The following LIPA variants were observed in gnomAD, a reference collection of about 807,000 sequenced individuals.
The protein encoded by LIPA is lysosomal acid lipase/cholesteryl ester hydrolase.
A neutral mutation model predicts 40.6 loss-of-function variants in LIPA; 26 were observed. That is an observed-to-expected ratio of 0.64 (90% CI 0.47 to 0.89). The LOEUF (loss-of-function observed/expected upper bound fraction) is 0.89. Among genes scored for constraint, LIPA ranks in the 40% least tolerant of loss-of-function variants. The pLI, the probability that LIPA is intolerant of heterozygous loss-of-function variation, is 0.00. For missense variants in LIPA, 455 were observed against 479.6 expected (o/e 0.95, Z 0.48); for synonymous variants, 188 against 168.4 (o/e 1.12, Z -0.90).
At position 89,213,681 on chromosome 10, in the gene LIPA, G is replaced by C. The variant is rs1245823235; in HGVS notation, c.*1147C>G. The C allele has an allele frequency of 6.6e-6, 1 of 152,186 alleles. No individual in the cohort carries two copies. The highest frequency in any genetic ancestry group is 1.5e-5 in the Non-Finnish European group (1 of 68,040). 9.4% of individuals were successfully genotyped at this position (152,186 alleles called of 1,614,324 possible). ...ACCATTAACAAGCATTGTACTGTTA[G>C]TGCAGCTAAAGTAATTATATCAGAA... is the stretch of plus-strand genomic sequence containing the variant. On this transcript the variant is annotated 3_prime_UTR_variant, in exon 10 of 10. Coordinates refer to ENST00000336233, the MANE Select transcript of LIPA (RefSeq NM_000235.4).
At chr10:89,266,601 C>A (rs1319269927) in intron 1 of LIPA, among the ~76,000 whole-genome samples, 1 of 152,228 alleles carries the variant, frequency 6.6e-6, no homozygotes, top group Non-Finnish European at 1.5e-5. Flanking sequence ...TGAAACACTT[C>A]TAGTCCCAAG....
intron 1 of LIPA, among the ~76,000 whole-genome samples, chr10:89,317,459 G>T (rs1036300623): frequency 6.6e-6 from 1 of 152,194 alleles, no homozygotes; most frequent in South Asian, 2.1e-4. Flanking sequence ...CTGGAAGAAA[G>T]GGTATTAGTG....
chr10:89,370,715 A>G (rs1844086822), intron 2 of LIPA, among the ~76,000 whole-genome samples: 1 of 152,102 alleles, frequency 6.6e-6, no homozygotes, highest in East Asian at 1.9e-4. Context: ...TCCAGATGTG[A>G]TCATCCAAAG....
At chr10:89,227,419 A>G (rs936088755) in intron 4 of LIPA, among the ~76,000 whole-genome samples, 1 of 152,164 alleles carries the variant, frequency 6.6e-6, no homozygotes, top group Non-Finnish European at 1.5e-5. Flanking sequence ...CGTTGTTACA[A>G]ATAGCGTGAC....
At chr10:89,253,374 G>A, upstream of LIPA, among the ~76,000 whole-genome samples, 1 of 152,202 alleles carries the variant, frequency 6.6e-6, no homozygotes, top group East Asian at 1.9e-4. Context: ...CGGCACATGT[G>A]AGAGAAAGAA....
chr10:89,413,508 G>A (rs1174565796), intron 1 of LIPA, among the ~76,000 whole-genome samples: 1 of 152,160 alleles, frequency 6.6e-6, no homozygotes, highest in East Asian at 1.9e-4. Flanking sequence ...ATTTTGGGAG[G>A]CCACGATGGG....
chr10:89,285,408 G>A (rs1219239701), intron 1 of LIPA: 1 of 152,206 alleles, frequency 6.6e-6, no homozygotes, highest in Non-Finnish European at 1.5e-5. Context: ...TACGGGAGAT[G>A]TGTTTTATCT....
intron 1 of LIPA, chr10:89,338,907 A>G: frequency 6.2e-7 from 1 of 1,614,200 alleles, no homozygotes; most frequent in Non-Finnish European, 8.5e-7. Flanking sequence ...TCCAGCAAGA[A>G]CATGCTGACC....
rs1372180897 is a variant in LIPA at position 89,392,621 on chromosome 10, G to A, written c.61+20170C>T. 7 of 1,405,484 alleles carry A rather than the reference G, an allele frequency of 5.0e-6. No individual in the cohort carries two copies. In the African/African-American group the frequency reaches 9.9e-5, roughly 20 times the overall value. The allele number at this position is 1,405,484 out of a possible 1,614,324, so 87.1% of individuals were successfully genotyped here. A position where few individuals can be genotyped will look rare whatever the true frequency, so the allele number is the denominator to read the frequency against. On this transcript the variant is annotated intron_variant, in intron 2 of 8. Transcript: ENST00000371837. ...TATAACACTGTCTTGGGGTTTAAAC[G>A]TAACTGAAAATCCACAAGACAGAAT... is the stretch of plus-strand genomic sequence containing the variant.
intron 1 of LIPA, among the ~76,000 whole-genome samples, chr10:89,275,662 A>G (rs931944181): frequency 6.6e-6 from 1 of 152,234 alleles, no homozygotes; most frequent in Non-Finnish European, 1.5e-5. Context: ...ATCCTGACTA[A>G]TACACAATCA....
intron 1 of LIPA, among the ~76,000 whole-genome samples, chr10:89,285,785 T>C (rs947584423): frequency 1.6e-4 from 24 of 151,606 alleles, no homozygotes; most frequent in Non-Finnish European, 2.9e-4. Flanking sequence ...CTCTCTTTTC[T>C]CTCCACTTCC....
At chr10:89,311,247 G>T (rs1211701144) in intron 1 of LIPA, among the ~76,000 whole-genome samples, 1 of 152,084 alleles carries the variant, frequency 6.6e-6, no homozygotes, top group Non-Finnish European at 1.5e-5. Flanking sequence ...ACCTGGCTGG[G>T]CGTGGTGGCT....
chr10:89,223,243 C>T (rs532771769), intron 7 of LIPA, among the ~76,000 whole-genome samples: 7 of 152,038 alleles, frequency 4.6e-5, no homozygotes, highest in African/African-American at 7.2e-5. Flanking sequence ...TGCTGAGATG[C>T]GGGCTTCTAT....
chr10:89,403,782 C>A, intron 2 of LIPA: 1 of 833,768 alleles, frequency 1.2e-6, no homozygotes, highest in Non-Finnish European at 1.9e-6. Flanking sequence ...ATCTTTTCTG[C>A]TTACTGTTTT....
intron 3 of LIPA, among the ~76,000 whole-genome samples, chr10:89,237,191 G>C (rs1234886419): frequency 6.6e-6 from 1 of 152,180 alleles, no homozygotes; most frequent in East Asian, 1.9e-4. Flanking sequence ...GAGGTGAGAA[G>C]ACTGGTTGAG....
intron 2 of LIPA, among the ~76,000 whole-genome samples, chr10:89,247,173 C>T (rs1314709184): frequency 2.0e-5 from 3 of 151,736 alleles, no homozygotes; most frequent in African/African-American, 7.3e-5. Flanking sequence ...GAGTTCAAGA[C>T]CACCCTGGGC....
At chr10:89,402,545 A>C in intron 2 of LIPA, 1 of 1,614,112 alleles carries the variant, frequency 6.2e-7, no homozygotes, top group East Asian at 2.2e-5. Context: ...ACAACCAAGC[A>C]AATGTGAGGA....
chr10:89,250,856 G>GA (rs199745338), intron 1 of LIPA, among the ~76,000 whole-genome samples: 8 of 151,824 alleles, frequency 5.3e-5, no homozygotes, highest in African/African-American at 9.7e-5. Context: ...AAGGAGGGGG[G>GA]AAAAAAAACC....
chr10:89,340,341 G>A (rs1452940683), intron 1 of LIPA: 6 of 427,278 alleles, frequency 1.4e-5, no homozygotes, highest in Admixed American at 3.9e-5. Context: ...GGCGGATCAC[G>A]AGGTCTGGAG....
Sources: gnomAD v4.1 joint callset for allele counts (sites outside exome capture counted in the v4.1 genomes callset) on GRCh38, gnomAD v4.1.1 for gene constraint, MANE v1.5 for transcripts, NCBI Gene and HGNC (gene_info 2026-07-23, HGNC 2026-07-21) for gene names.